The following NTM variants were observed in gnomAD, a reference collection of about 807,000 sequenced individuals.
The protein encoded by NTM is IgLON family member 2.
In NTM, 13 loss-of-function variants were observed where a neutral mutation model predicts 42.1. The observed-to-expected ratio is 0.31, with a 90% CI of 0.20 to 0.49. NTM has a LOEUF of 0.49. NTM is among the 20% of genes least tolerant of loss of function. The probability of loss-of-function intolerance (pLI) is 0.99; values close to 1 mark genes in which losing one functional copy is unlikely to be tolerated. For missense variants in NTM, 373 were observed against 452.8 expected, an observed-to-expected ratio of 0.82 and a Z score of 1.60; for synonymous variants, 187 against 179.2, an observed-to-expected ratio of 1.04 and a Z score of -0.35.
In NTM at chr11:132,109,130, G is replaced by T. The variant is rs2062823135; in HGVS notation, c.168-37152G>T. On this transcript the variant is annotated intron_variant, in intron 2 of 8. Transcript: ENST00000683400. ...TGATGGGTATTTGGGTTAGTTCCAA[G>T]TCTTTGCTATTGTGAACAGTGCTGC... Among the ~76,000 whole-genome samples, 5 of 152,174 alleles carry T rather than the reference G, an allele frequency of 3.3e-5. 1 individual carries two copies. Among genetic ancestry groups the T allele is most frequent in the African/African-American group, 1.2e-4 (5 of 41,448 alleles).
At chr11:131,915,476 C>A (rs2056148302) in intron 2 of NTM, among the ~76,000 whole-genome samples, 1 of 152,158 alleles carries the variant, frequency 6.6e-6, no homozygotes, top group Non-Finnish European at 1.5e-5. Context: ...TGAATGAAAG[C>A]CAAACAACGA....
intron 2 of NTM, among the ~76,000 whole-genome samples, chr11:132,030,380 T>C (rs980545664): frequency 6.6e-6 from 1 of 152,212 alleles, no homozygotes; most frequent in Non-Finnish European, 1.5e-5. Context: ...CAAAACACTG[T>C]GCTGTAGGAT....
At chr11:131,568,714 T>C (rs1049351725) in intron 1 of NTM, among the ~76,000 whole-genome samples, 1 of 152,170 alleles carries the variant, frequency 6.6e-6, no homozygotes, top group African/African-American at 2.4e-5. Flanking sequence ...ACCTCTCTGA[T>C]GGTTTCTCAT....
chr11:131,392,126 T>C (rs1944082150), intron 1 of NTM, among the ~76,000 whole-genome samples: 1 of 152,256 alleles, frequency 6.6e-6, no homozygotes, highest in African/African-American at 2.4e-5. Context: ...GAGTCTTTTT[T>C]CCTAGTGGTC....
intron 4 of NTM, among the ~76,000 whole-genome samples, chr11:132,268,429 A>G (rs571731667): frequency 1.3e-5 from 2 of 152,326 alleles, no homozygotes; most frequent in African/African-American, 4.8e-5. Flanking sequence ...AAAATTTCAC[A>G]ACACACATAA....
intron 1 of NTM, among the ~76,000 whole-genome samples, chr11:131,423,843 G>A (rs1020104113): frequency 6.6e-6 from 1 of 152,140 alleles, no homozygotes; most frequent in Non-Finnish European, 1.5e-5. Context: ...ATCTAGGAAG[G>A]GAACTGTAGA....
chr11:131,517,295 A>T (rs1327508018), intron 1 of NTM, among the ~76,000 whole-genome samples: 1 of 152,206 alleles, frequency 6.6e-6, no homozygotes, highest in Non-Finnish European at 1.5e-5. Flanking sequence ...CCTGAATCAG[A>T]TGTGAAACAA....
chr11:132,258,648 A>G (rs1415566801), intron 4 of NTM, among the ~76,000 whole-genome samples: 7 of 152,176 alleles, frequency 4.6e-5, no homozygotes, highest in Non-Finnish European at 8.8e-5. Flanking sequence ...GTTGGCCACA[A>G]AAGAGAAAGC....
intron 1 of NTM, among the ~76,000 whole-genome samples, chr11:131,623,520 A>G (rs1349470055): frequency 6.6e-6 from 1 of 152,238 alleles, no homozygotes; most frequent in Non-Finnish European, 1.5e-5. Flanking sequence ...TTAAAATCCC[A>G]TCTTCGGCTG....
At chr11:131,521,533 C>G (rs1188010563) in intron 1 of NTM, among the ~76,000 whole-genome samples, 3 of 150,648 alleles carry the variant, frequency 2.0e-5, no homozygotes, top group Non-Finnish European at 4.4e-5. Context: ...CTCAGCCTCC[C>G]GAGTAGCTGG....
intron 2 of NTM, among the ~76,000 whole-genome samples, chr11:132,111,911 G>A (rs2063257849): frequency 6.6e-6 from 1 of 152,252 alleles, no homozygotes; most frequent in Non-Finnish European, 1.5e-5. Context: ...CGTGCTTGAG[G>A]CAGAAGGAAA....
chr11:132,328,461 G>A (rs770631380), intron 7 of NTM, among the ~76,000 whole-genome samples: 24 of 151,650 alleles, frequency 1.6e-4, no homozygotes, highest in Middle Eastern at 3.2e-3. Context: ...CCATCTGGAT[G>A]GAATAATTAA....
At chr11:131,720,017 G>A (rs1477548314) in intron 1 of NTM, among the ~76,000 whole-genome samples, 1 of 152,104 alleles carries the variant, frequency 6.6e-6, no homozygotes, top group Non-Finnish European at 1.5e-5. Flanking sequence ...GGGAATATAG[G>A]CCCACCACCC....
At chr11:131,941,316 C>T (rs1057414385) in intron 2 of NTM, among the ~76,000 whole-genome samples, 106 of 152,116 alleles carry the variant, frequency 7.0e-4, no homozygotes, top group Non-Finnish European at 4.1e-4. Flanking sequence ...GCTTCTGTTC[C>T]CTTCTCTGCC....
At chr11:132,145,672 G>A (rs1358105129) in intron 2 of NTM, among the ~76,000 whole-genome samples, 1 of 152,202 alleles carries the variant, frequency 6.6e-6, no homozygotes, top group Non-Finnish European at 1.5e-5. Context: ...TGGGTATAAT[G>A]AAGATGAATA....
chr11:131,634,033 G>A (rs1423604731), intron 1 of NTM, among the ~76,000 whole-genome samples: 1 of 152,072 alleles, frequency 6.6e-6, no homozygotes, highest in Admixed American at 6.6e-5. Context: ...TCTCTTCAAG[G>A]CTATGTTGAA....
chr11:132,117,678 T>A (rs949572830), intron 2 of NTM, among the ~76,000 whole-genome samples: 1 of 152,218 alleles, frequency 6.6e-6, no homozygotes, highest in Non-Finnish European at 1.5e-5. Flanking sequence ...AATTTATTGG[T>A]CTGCATTGGA....
At chr11:131,372,064 C>A (rs1941285731) in intron 1 of NTM, among the ~76,000 whole-genome samples, 1 of 152,202 alleles carries the variant, frequency 6.6e-6, no homozygotes, top group South Asian at 2.1e-4. Flanking sequence ...GAGCTGTAGT[C>A]CTGCTGGCTC....
At chr11:132,212,200 G>A in intron 4 of NTM, 53 bp downstream of exon 4, 1 of 1,544,736 alleles carries the variant, frequency 6.5e-7, no homozygotes, top group Non-Finnish European at 8.8e-7. Context: ...GGGAATTTTG[G>A]GCCTTTGGTA....
Sources: allele counts gnomAD v4.1 joint callset (sites outside exome capture counted in the v4.1 genomes callset), GRCh38; gene constraint gnomAD v4.1.1; transcripts MANE v1.5; gene names NCBI Gene and HGNC (gene_info 2026-07-23, HGNC 2026-07-21).